AKAP6: variants seen among roughly 807,000 people sequenced by gnomAD.
The protein encoded by AKAP6 is A-kinase anchor protein 6.
In AKAP6, 58 loss-of-function variants were observed where a neutral mutation model predicts 188.5. That is an observed-to-expected ratio of 0.31 (90% CI 0.25 to 0.38). The LOEUF is 0.38. Among genes scored for constraint, AKAP6 ranks in the 10% least tolerant of loss-of-function variants. The pLI is 1.00. For missense variants in AKAP6, 2,710 were observed against 2,740.0 expected, an observed-to-expected ratio of 0.99 and a Z score of 0.24; for synonymous variants, 989 against 998.6, an observed-to-expected ratio of 0.99 and a Z score of 0.18.
intron 4 of AKAP6, among the ~76,000 whole-genome samples, chr14:32,567,578 T>C (rs1884258043): frequency 6.6e-6 from 1 of 152,314 alleles, no homozygotes; most frequent in East Asian, 1.9e-4. Flanking sequence ...AATAATAATT[T>C]TGTTATATAT....
chr14:32,445,059 G>T (rs960208115), intron 2 of AKAP6, among the ~76,000 whole-genome samples: 3 of 152,194 alleles, frequency 2.0e-5, no homozygotes, highest in Non-Finnish European at 4.4e-5. Context: ...GTTTACTTCT[G>T]TTAGCTTCTA....
chr14:32,350,214 G>A (rs1471881023), intron 1 of AKAP6, among the ~76,000 whole-genome samples: 1 of 152,180 alleles, frequency 6.6e-6, no homozygotes, highest in Non-Finnish European at 1.5e-5. Context: ...AACCTGGTAA[G>A]TATAACCCTA....
intron 9 of AKAP6, among the ~76,000 whole-genome samples, chr14:32,710,599 A>G (rs563476377): frequency 6.6e-6 from 1 of 152,130 alleles, no homozygotes; most frequent in African/African-American, 2.4e-5. Context: ...AAGGGTGCGC[A>G]ATCACAGACG....
In AKAP6 at chr14:32,830,954, G is replaced by A. The variant is rs887908165; in HGVS notation, c.*1149G>A. The A allele has an allele frequency of 6.6e-6, 1 of 152,114 alleles. No individual in the cohort carries two copies. The highest frequency in any genetic ancestry group is 1.5e-5 in the Non-Finnish European group (1 of 68,010). 9.4% of individuals were successfully genotyped at this position (152,114 alleles called of 1,614,324 possible). A position where few individuals can be genotyped will look rare whatever the true frequency, so the allele number is the denominator to read the frequency against. ...ACCTAAACTAGAGACTAGACGTAAA[G>A]CCTTCAGTTTTCAAAATCTTTCTGG... On this transcript the variant is annotated 3_prime_UTR_variant, in exon 14 of 14. Coordinates refer to ENST00000280979, the MANE Select transcript of AKAP6 (RefSeq NM_004274.5).
At chr14:32,390,708 T>C (rs1888684766) in intron 1 of AKAP6, among the ~76,000 whole-genome samples, 1 of 152,154 alleles carries the variant, frequency 6.6e-6, no homozygotes, top group African/African-American at 2.4e-5. Flanking sequence ...GAACCATCTG[T>C]GGGTCTCTCA....
At chr14:32,503,111 AT>A (rs997459470) in intron 2 of AKAP6, among the ~76,000 whole-genome samples, 16 of 151,576 alleles carry the variant, frequency 1.1e-4, no homozygotes, top group African/African-American at 3.6e-4. Flanking sequence ...GTGTTATGAA[AT>A]TTTTTTTTGC....
chr14:32,426,662 G>A (rs1240456042), intron 1 of AKAP6, among the ~76,000 whole-genome samples: 1 of 152,208 alleles, frequency 6.6e-6, no homozygotes, highest in African/African-American at 2.4e-5. Context: ...GCTCATTAGT[G>A]TTCACTGAGT....
chr14:32,686,134 G>A (rs1163911087), intron 8 of AKAP6, among the ~76,000 whole-genome samples: 1 of 152,182 alleles, frequency 6.6e-6, no homozygotes, highest in African/African-American at 2.4e-5. Context: ...TCTGTCATTT[G>A]CAACGACGTG....
chr14:32,801,485 G>A (rs1023620672), intron 12 of AKAP6, among the ~76,000 whole-genome samples: 2 of 151,994 alleles, frequency 1.3e-5, no homozygotes, highest in Non-Finnish European at 2.9e-5. Flanking sequence ...CATATGTATG[G>A]CCTAATCACC....
At chr14:32,580,402 G>C (rs920712442) in intron 5 of AKAP6, among the ~76,000 whole-genome samples, 2 of 151,944 alleles carry the variant, frequency 1.3e-5, no homozygotes, top group African/African-American at 4.8e-5. Context: ...CTTTAAGATA[G>C]AATTGTATAG....
At chr14:32,663,252 A>G (rs1169157235) in intron 7 of AKAP6, among the ~76,000 whole-genome samples, 1 of 152,096 alleles carries the variant, frequency 6.6e-6, no homozygotes, top group Non-Finnish European at 1.5e-5. Context: ...GGCTCACCTT[A>G]TACTTTCCCT....
intron 11 of AKAP6, among the ~76,000 whole-genome samples, chr14:32,758,961 GT>G (rs1331238336): frequency 6.6e-6 from 1 of 152,148 alleles, no homozygotes; most frequent in African/African-American, 2.4e-5. Context: ...TCAGCATAGA[GT>G]TTGCTAACAT....
intron 4 of AKAP6, among the ~76,000 whole-genome samples, chr14:32,556,707 C>T (rs1883704000): frequency 1.3e-5 from 2 of 152,098 alleles, no homozygotes; most frequent in South Asian, 2.1e-4. Flanking sequence ...ATTCTGTAGC[C>T]TATTTACTCT....
intron 2 of AKAP6, among the ~76,000 whole-genome samples, chr14:32,511,523 G>A (rs921091216): frequency 6.6e-6 from 1 of 151,992 alleles, no homozygotes; most frequent in Non-Finnish European, 1.5e-5. Context: ...CTACAGGTAT[G>A]TGCCACCACG....
chr14:32,751,061 C>T (rs2032118085), intron 11 of AKAP6, among the ~76,000 whole-genome samples: 1 of 152,050 alleles, frequency 6.6e-6, no homozygotes, highest in Non-Finnish European at 1.5e-5. Flanking sequence ...GCACTCTAGC[C>T]TGGGCAAGAT....
chr14:32,799,911 A>G (rs2033885323), intron 12 of AKAP6, among the ~76,000 whole-genome samples: 1 of 151,768 alleles, frequency 6.6e-6, no homozygotes, highest in South Asian at 2.1e-4. Flanking sequence ...AGAGAGGTGT[A>G]GAAATATCCA....
intron 2 of AKAP6, among the ~76,000 whole-genome samples, chr14:32,506,999 A>G (rs74968516): frequency 0.093 from 14,138 of 152,274 alleles, 709 homozygotes; most frequent in Non-Finnish European, 0.1. Context: ...CCTGAGTTAT[A>G]CAAAGGAAGG....
intron 12 of AKAP6, among the ~76,000 whole-genome samples, chr14:32,775,609 T>C (rs549553155): frequency 2.0e-5 from 3 of 152,234 alleles, no homozygotes; most frequent in East Asian, 3.9e-4. Context: ...ATTTTTATTT[T>C]ACTTTTTGTA....
intron 2 of AKAP6, among the ~76,000 whole-genome samples, chr14:32,475,538 A>G (rs772607317): frequency 6.6e-5 from 10 of 152,338 alleles, no homozygotes; most frequent in Admixed American, 2.6e-4. Flanking sequence ...CCAAAAAGGC[A>G]TGCTATGAAT....
Sources: gnomAD v4.1 joint callset for allele counts (sites outside exome capture counted in the v4.1 genomes callset) on GRCh38, gnomAD v4.1.1 for gene constraint, MANE v1.5 for transcripts, NCBI Gene and HGNC (gene_info 2026-07-23, HGNC 2026-07-21) for gene names.